Variants in ADAM2 observed in about 807,000 individuals in gnomAD.
ADAM2 encodes the protein ADAM metallopeptidase domain 2.
ADAM2 carries 101 observed loss-of-function variants against 99.3 expected under a neutral mutation model. The ratio of observed to expected loss-of-function variants is 1.02; its 90% CI spans 0.87 to 1.20. The LOEUF (loss-of-function observed/expected upper bound fraction) is 1.20. Ranked by LOEUF, ADAM2 falls within the 50% of genes most tolerant of loss-of-function variation. The pLI, the probability that ADAM2 is intolerant of heterozygous loss-of-function variation, is 0.00. For missense variants in ADAM2, 948 were observed against 878.7 expected, an observed-to-expected ratio of 1.08 and a Z score of -1.00; for synonymous variants, 323 against 287.6, an observed-to-expected ratio of 1.12 and a Z score of -1.25.
chr8:39,769,904 C>A (rs1294377776), intron 11 of ADAM2, among the ~76,000 whole-genome samples: 2 of 151,866 alleles, frequency 1.3e-5, no homozygotes, highest in Non-Finnish European at 2.9e-5. Context: ...TGCTGGGACA[C>A]CCCTGTATTA....
At chr8:39,775,234 C>T (rs1422701862) in intron 11 of ADAM2, among the ~76,000 whole-genome samples, 1 of 152,082 alleles carries the variant, frequency 6.6e-6, no homozygotes, top group East Asian at 1.9e-4. Context: ...GGTTGACATT[C>T]ATAGATGTCA....
chr8:39,833,313 A>T (rs1009334930), intron 3 of ADAM2, among the ~76,000 whole-genome samples: 3 of 152,134 alleles, frequency 2.0e-5, no homozygotes, highest in Non-Finnish European at 2.9e-5. Context: ...TCTAGAAATG[A>T]TATGGATGCG....
intron 11 of ADAM2, among the ~76,000 whole-genome samples, chr8:39,775,308 C>T (rs1802944112): frequency 6.6e-6 from 1 of 151,980 alleles, no homozygotes. Context: ...TGAAAATAAA[C>T]ATCTGAATGT....
Position 39,770,549 on chromosome 8 carries a change from T to G in ADAM2, c.1029-974A>C, listed in dbSNP as rs1802741996. Among the ~76,000 whole-genome samples, 3 of 152,360 alleles carry G rather than the reference T, an allele frequency of 2.0e-5. No homozygotes were observed. In the South Asian group the frequency reaches 6.2e-4, roughly 32 times the overall value. On this transcript the variant is annotated intron_variant, in intron 11 of 20. Coordinates refer to ENST00000265708, the MANE Select transcript of ADAM2 (RefSeq NM_001464.5). ...AATCAAAACAAATGAGTTAAAGTCT[T>G]GGTTTTGCCATTTACAGGTTGTTTG...
chr8:39,744,734 T>C (rs1298994276), intron 20 of ADAM2, 96 bp downstream of exon 20: 1 of 737,666 alleles, frequency 1.4e-6, no homozygotes, highest in African/African-American at 1.8e-5. Flanking sequence ...CAAACCACCA[T>C]GGCACATGTA....
At chr8:39,807,287 G>A (rs1804480553) in intron 7 of ADAM2, among the ~76,000 whole-genome samples, 1 of 152,196 alleles carries the variant, frequency 6.6e-6, no homozygotes, top group Non-Finnish European at 1.5e-5. Flanking sequence ...TTCATAGCTG[G>A]AGGGGAATTT....
intron 20 of ADAM2, 69 bp downstream of exon 20, chr8:39,744,761 C>T (rs901092221): frequency 1.9e-6 from 2 of 1,041,712 alleles, no homozygotes; most frequent in East Asian, 2.4e-5. Context: ...TGTAACAAAC[C>T]TGCACATTCT....
At chr8:39,784,943 T>C (rs920032397) in intron 10 of ADAM2, among the ~76,000 whole-genome samples, 4 of 152,238 alleles carry the variant, frequency 2.6e-5, no homozygotes, top group Non-Finnish European at 4.4e-5. Flanking sequence ...TTATAGATTC[T>C]GGATATTAGG....
At position 39,755,752 on chromosome 8, in the gene ADAM2, A is replaced by T; in HGVS notation, c.1773T>A (p.Asp591Glu). ...HADSQKMWIK[D>E]GTSCGSNKVC... ...CCTTATTTGAACCACAAGAAGTTCC[A>T]TCTTTTATCCACATCTTTTGGCTGT... Residue 591 changes from aspartate to glutamate, a missense_variant, in exon 16 of 21, where the codon GAT becomes GAA. Coordinates refer to ENST00000265708, the MANE Select transcript of ADAM2 (RefSeq NM_001464.5). 1.9e-6 allele frequency: 3 copies of T among 1,613,038 alleles called. No homozygotes were observed. The highest frequency in any genetic ancestry group is 2.5e-6 in the Non-Finnish European group (3 of 1,179,570).
Position 39,766,966 on chromosome 8 carries a change from T to C in ADAM2, c.1389A>G (p.Ala463=), listed in dbSNP as rs770458638. The change falls in exon 14 of 21, where the codon GCA becomes GCG. Residue 463 remains alanine (A), a synonymous_variant. Coordinates refer to ENST00000265708, the MANE Select transcript of ADAM2 (RefSeq NM_001464.5). ...GAACATAGTGGTTTTCTGGGCATGA[T>C]GCAGATGATCCATTGCAATATTCAG... ...DLPEYCNGSS[A]SCPENHYVQT... is the part of the protein sequence containing the mutation. 6.2e-7 allele frequency: 1 copy of C among 1,614,224 alleles called. No individual in the cohort carries two copies. The highest frequency in any genetic ancestry group is 1.7e-5 in the Admixed American group (1 of 60,028).
chr8:39,802,158 C>T (rs1271765033), intron 7 of ADAM2, among the ~76,000 whole-genome samples: 1 of 152,170 alleles, frequency 6.6e-6, no homozygotes, highest in Admixed American at 6.5e-5. Flanking sequence ...TTTCACAGTT[C>T]CGTGGGAAAA....
intron 20 of ADAM2, among the ~76,000 whole-genome samples, chr8:39,744,437 AACCCCCCCATC>A (rs1179950413): frequency 1.3e-5 from 2 of 150,822 alleles, no homozygotes; most frequent in East Asian, 3.9e-4. Flanking sequence ...TCCTCCCCCC[AACCCCCCCATC>A]CTTAAAATAT....
At chr8:39,763,585 G>T (rs899133909) in intron 14 of ADAM2, among the ~76,000 whole-genome samples, 1 of 152,188 alleles carries the variant, frequency 6.6e-6, no homozygotes, top group Non-Finnish European at 1.5e-5. Flanking sequence ...CCTACAACAT[G>T]CTAAACAACA....
At chr8:39,837,612 C>T (rs911795805) in intron 1 of ADAM2, among the ~76,000 whole-genome samples, 4 of 152,140 alleles carry the variant, frequency 2.6e-5, no homozygotes, top group Non-Finnish European at 5.9e-5. Context: ...GTCTCGATCT[C>T]CTGACCTCGT....
At chr8:39,804,191 A>G (rs1218050847) in intron 7 of ADAM2, among the ~76,000 whole-genome samples, 1 of 152,224 alleles carries the variant, frequency 6.6e-6, no homozygotes, top group East Asian at 1.9e-4. Context: ...TATGGAACTA[A>G]AGTGAGAATA....
chr8:39,830,085 A>C (rs1169432374), intron 3 of ADAM2, among the ~76,000 whole-genome samples: 1 of 152,164 alleles, frequency 6.6e-6, no homozygotes, highest in African/African-American at 2.4e-5. Context: ...GAGTTACATA[A>C]ATATTCACTT....
At chr8:39,795,077 T>C (rs890229023) in intron 7 of ADAM2, among the ~76,000 whole-genome samples, 1 of 152,182 alleles carries the variant, frequency 6.6e-6, no homozygotes, top group African/African-American at 2.4e-5. Context: ...TTTGGTAATT[T>C]ACACTTTTAA....
intron 12 of ADAM2, among the ~76,000 whole-genome samples, chr8:39,767,924 A>ACACACACT (rs1198491003): frequency 6.6e-6 from 1 of 150,550 alleles, no homozygotes; most frequent in Non-Finnish European, 1.5e-5. Context: ...ACACACACAC[A>ACACACACT]CTCACATTTT....
chr8:39,755,448 G>A (rs576217216), intron 16 of ADAM2, among the ~76,000 whole-genome samples: 3 of 152,316 alleles, frequency 2.0e-5, no homozygotes, highest in South Asian at 4.1e-4. Flanking sequence ...GCTGAGGTGG[G>A]TGGATCACCC....
Sources: allele counts gnomAD v4.1 joint callset (sites outside exome capture counted in the v4.1 genomes callset), GRCh38; gene constraint gnomAD v4.1.1; transcripts MANE v1.5; gene names NCBI Gene and HGNC (gene_info 2026-07-23, HGNC 2026-07-21).